The following LAPTM4B variants were observed in gnomAD, a reference collection of about 807,000 sequenced individuals.
LAPTM4B encodes the protein lysosomal-associated transmembrane protein 4B.
Under a neutral mutation model 28.5 loss-of-function variants are expected in LAPTM4B, and 26 were observed. The ratio of observed to expected loss-of-function variants is 0.91; its 90% confidence interval spans 0.67 to 1.27. The LOEUF is 1.27. Ranked by LOEUF, LAPTM4B falls within the 50% of genes most tolerant of loss-of-function variation. The pLI, the probability that LAPTM4B is intolerant of heterozygous loss-of-function variation, is 0.00. For missense variants in LAPTM4B, 288 were observed against 285.8 expected (o/e 1.01, Z -0.06); for synonymous variants, 109 against 106.4 (o/e 1.02, Z -0.15).
intron 6 of LAPTM4B, 126 bp from the exon 7 acceptor site, chr8:97,851,271 T>G: frequency 1.3e-6 from 1 of 771,300 alleles, no homozygotes; most frequent in Non-Finnish European, 2.3e-6. Context: ...ATCCACTTGC[T>G]AGAAAATTGA....
chr8:97,833,743 A>G (rs2513967), intron 6 of LAPTM4B, among the ~76,000 whole-genome samples: 71,381 of 151,888 alleles, frequency 0.47, 17,035 homozygotes, highest in East Asian at 0.57. Flanking sequence ...TTAGGAAGCA[A>G]ATAATGTCTG....
chr8:97,817,900 A>G (rs760342444), intron 4 of LAPTM4B, among the ~76,000 whole-genome samples: 2 of 151,950 alleles, frequency 1.3e-5, no homozygotes, highest in South Asian at 2.1e-4. Context: ...TGCAACCTCA[A>G]TCTTCTGGGC....
intron 6 of LAPTM4B, among the ~76,000 whole-genome samples, chr8:97,838,396 T>A (rs1233787549): frequency 2.0e-5 from 3 of 152,182 alleles, no homozygotes; most frequent in Non-Finnish European, 4.4e-5. Flanking sequence ...GTATCATAGG[T>A]TTCTCCGCAG....
chr8:97,818,955 A>G (rs1260312428), intron 4 of LAPTM4B, among the ~76,000 whole-genome samples, 185 bp from the exon 5 acceptor site: 1 of 152,146 alleles, frequency 6.6e-6, no homozygotes, highest in Non-Finnish European at 1.5e-5. Context: ...GTCCCTGGAT[A>G]CCGATCACTG....
chr8:97,831,439 G>C (rs181055021), intron 6 of LAPTM4B, among the ~76,000 whole-genome samples: 305 of 152,292 alleles, frequency 2.0e-3, no homozygotes, highest in Non-Finnish European at 3.5e-3. Flanking sequence ...GTGTGGGAAA[G>C]GGAGGGGATT....
intron 6 of LAPTM4B, among the ~76,000 whole-genome samples, chr8:97,834,152 A>AAAAAAAAAAAAAAAAAAAAAAAATC (rs1817226166): frequency 6.7e-6 from 1 of 149,214 alleles, no homozygotes; most frequent in Non-Finnish European, 1.5e-5. Context: ...CAGAAAAAAA[A>AAAAAAAAAAAAAAAAAAAAAAAATC]AAAAAATCCA....
chr8:97,803,262 G>T (rs909329210), intron 1 of LAPTM4B, among the ~76,000 whole-genome samples: 1 of 151,700 alleles, frequency 6.6e-6, no homozygotes, highest in Non-Finnish European at 1.5e-5. Context: ...AATTGGGATT[G>T]TCATTTAAAA....
At chr8:97,782,052 C>T (rs895720065) in intron 1 of LAPTM4B, among the ~76,000 whole-genome samples, 2 of 150,712 alleles carry the variant, frequency 1.3e-5, no homozygotes, top group East Asian at 3.9e-4. Flanking sequence ...GCGATCTCGG[C>T]TCACCGCAAC....
intron 6 of LAPTM4B, among the ~76,000 whole-genome samples, chr8:97,826,531 A>G (rs777806555): frequency 1.4e-5 from 2 of 146,406 alleles, no homozygotes; most frequent in Non-Finnish European, 3.0e-5. Context: ...TGTTTTACCC[A>G]TTAACTTTTT....
intron 6 of LAPTM4B, among the ~76,000 whole-genome samples, chr8:97,840,842 G>A (rs369522162): frequency 6.7e-6 from 1 of 148,370 alleles, no homozygotes; most frequent in African/African-American, 2.5e-5. Flanking sequence ...TGGGGCGGCC[G>A]GGCAGAGGCG....
rs564320591 is a variant in LAPTM4B, at chr8:97,822,372, T to A, written c.508-2686T>A. On this transcript the variant is annotated intron_variant, in intron 5 of 6. Coordinates refer to ENST00000521545, the MANE Select transcript of LAPTM4B (RefSeq NM_018407.6). ...GGAAGGTTAGTCTGACCAAGCTAAC[T>A]CTGCCATTACCAGAAACTCGAAGCT... is the stretch of plus-strand genomic sequence containing the variant. Among the ~76,000 whole-genome samples, 60 of 152,032 alleles carry A rather than the reference T, an allele frequency of 3.9e-4. 1 individual carries two copies. Among genetic ancestry groups the A allele is most frequent in the Non-Finnish European group, 6.3e-4 (43 of 68,024 alleles).
intron 2 of LAPTM4B, among the ~76,000 whole-genome samples, chr8:97,812,152 G>A (rs1026270875): frequency 2.7e-5 from 4 of 150,652 alleles, no homozygotes; most frequent in Non-Finnish European, 5.9e-5. Context: ...TTCAAAAAAA[G>A]TAGCATACTC....
At position 97,851,608 on chromosome 8, in the gene LAPTM4B, T is replaced by C. The variant is rs1817524945; in HGVS notation, c.*134T>C. On this transcript the variant is annotated 3_prime_UTR_variant, in exon 7 of 7. Transcript: ENST00000521545. Reference sequence around the variant, plus strand: ...GAAATGCTACTTTTTAAAATTTAGATGTTAGATTGAAAACTGTAGTTTTCA... The same window carrying C: ...GAAATGCTACTTTTTAAAATTTAGACGTTAGATTGAAAACTGTAGTTTTCA... 11 of 687,114 alleles carry C rather than the reference T, an allele frequency of 1.6e-5. No individual in the cohort carries two copies. The highest frequency in any genetic ancestry group is 2.8e-5 in the Non-Finnish European group (11 of 391,788). 42.6% of individuals were successfully genotyped at this position (687,114 alleles called of 1,614,324 possible).
intron 6 of LAPTM4B, among the ~76,000 whole-genome samples, chr8:97,844,240 G>A (rs1335637262): frequency 4.6e-5 from 7 of 152,066 alleles, no homozygotes; most frequent in South Asian, 2.1e-4. Flanking sequence ...TTACATGCAC[G>A]TACCACCACA....
chr8:97,803,712 A>G (rs949443923), intron 1 of LAPTM4B, among the ~76,000 whole-genome samples: 16 of 151,962 alleles, frequency 1.1e-4, no homozygotes, highest in African/African-American at 3.9e-4. Context: ...GCAGTGGCGC[A>G]TCAGCTCACT....
chr8:97,797,620 T>C (rs1292568699), intron 1 of LAPTM4B, among the ~76,000 whole-genome samples: 2 of 152,234 alleles, frequency 1.3e-5, no homozygotes, highest in African/African-American at 4.8e-5. Context: ...GTGATCATTT[T>C]TGGATACAAC....
At chr8:97,776,254 C>T in intron 1 of LAPTM4B, 146 bp downstream of exon 1, 1 of 1,069,440 alleles carries the variant, frequency 9.4e-7, no homozygotes, top group South Asian at 2.0e-5. Context: ...GTGCCGCGTC[C>T]GCACTTCCCC....
chr8:97,827,493 A>G (rs1817107839), intron 6 of LAPTM4B, among the ~76,000 whole-genome samples: 1 of 152,248 alleles, frequency 6.6e-6, no homozygotes, highest in Non-Finnish European at 1.5e-5. Context: ...ATAATAAGCC[A>G]GTAAACCTCA....
intron 6 of LAPTM4B, among the ~76,000 whole-genome samples, chr8:97,840,961 G>A (rs1203179019): frequency 6.6e-6 from 1 of 151,554 alleles, no homozygotes; most frequent in Non-Finnish European, 1.5e-5. Context: ...TGGTGGCCAA[G>A]CAGAGGTGCT....
Sources: gnomAD v4.1 joint callset for allele counts (sites outside exome capture counted in the v4.1 genomes callset) on GRCh38, gnomAD v4.1.1 for gene constraint, MANE v1.5 for transcripts, NCBI Gene and HGNC (gene_info 2026-07-23, HGNC 2026-07-21) for gene names.